Variants in TUSC3 observed in about 807,000 individuals in gnomAD.
TUSC3 encodes dolichyl-diphosphooligosaccharide--protein glycosyltransferase subunit TUSC3.
Under a neutral mutation model 44.8 loss-of-function variants are expected in TUSC3, and 45 were observed. The ratio of observed to expected loss-of-function variants is 1.00; its 90% CI spans 0.79 to 1.29. TUSC3 has a LOEUF of 1.29. Ranked by LOEUF, TUSC3 falls within the 50% of genes most tolerant of loss-of-function variation. TUSC3 has a pLI of 0.00. For synonymous variants in TUSC3, 212 were observed against 152.9 expected, an observed-to-expected ratio of 1.39 and a Z score of -2.85; for missense variants, 519 against 437.9, an observed-to-expected ratio of 1.19 and a Z score of -1.65.
At chr8:15,611,603 C>A (rs536096746) in intron 1 of TUSC3, among the ~76,000 whole-genome samples, 3 of 152,064 alleles carry the variant, frequency 2.0e-5, no homozygotes. Flanking sequence ...GGAATTTTTG[C>A]TTTCTTTATG....
rs144575418 is a variant in TUSC3 at position 15,481,081 on chromosome 8, C to G, written n.92-2305C>G. 5.2e-4 allele frequency among the ~76,000 whole-genome samples: 79 copies of G among 151,984 alleles called. 1 individual carries two copies. The highest frequency in any genetic ancestry group is 1.7e-3 in the African/African-American group (71 of 41,444). On this transcript the variant is annotated intron_variant and non_coding_transcript_variant, in intron 1 of 5. Transcript: ENST00000503191. ...TGACCAACGTGGAGAAACCCTGTCT[C>G]TACTAAAAAATACAAAAATATCCCA...
chr8:15,791,226 A>G, the TUSC3 span, among the ~76,000 whole-genome samples: 1 of 152,096 alleles, frequency 6.6e-6, no homozygotes, highest in Admixed American at 6.6e-5. Context: ...AAAAAGAACC[A>G]AAGGCAAAGA....
rs1180624932 is a variant in TUSC3 at position 15,719,406 on chromosome 8, C to CTT, written c.799-11259_799-11258insTT. On this transcript the variant is annotated intron_variant, in intron 6 of 10. Coordinates refer to ENST00000503731, the MANE Select transcript of TUSC3 (RefSeq NM_006765.4). ...ACCTTCTTCCTATTTAAATTGCAAC[C>CTT]TGCTCCCCATTGTCAATACTTCTGA... Among the ~76,000 whole-genome samples, 4 of 151,758 alleles carry CTT rather than the reference C, an allele frequency of 2.6e-5. No homozygotes were observed. In the East Asian group the frequency reaches 7.7e-4, roughly 29 times the overall value.
At chr8:15,704,887 C>G (rs1809554496) in intron 6 of TUSC3, among the ~76,000 whole-genome samples, 1 of 151,586 alleles carries the variant, frequency 6.6e-6, no homozygotes, top group Non-Finnish European at 1.5e-5. Flanking sequence ...AAGCACATAA[C>G]AAGTTAATCA....
At chr8:15,517,586 C>G (rs1051407119) in intron 2 of TUSC3, among the ~76,000 whole-genome samples, 6 of 134,078 alleles carry the variant, frequency 4.5e-5, no homozygotes, top group Admixed American at 2.4e-4. Context: ...ACAGTTTACA[C>G]AGCTGTTGGA....
chr8:15,642,095 C>T, intron 2 of TUSC3, among the ~76,000 whole-genome samples: 1 of 152,072 alleles, frequency 6.6e-6, no homozygotes. Context: ...CAGTGTTTAG[C>T]ATAAGATATT....
At chr8:15,613,822 A>T (rs1318504902) in intron 1 of TUSC3, among the ~76,000 whole-genome samples, 3 of 152,076 alleles carry the variant, frequency 2.0e-5, no homozygotes, top group Non-Finnish European at 4.4e-5. Flanking sequence ...TTTTGACCCA[A>T]CTTTCATTCT....
rs373552689 is a variant in TUSC3 at position 15,707,421 on chromosome 8, C to T, written c.799-23245C>T. On this transcript the variant is annotated intron_variant, in intron 6 of 10. Transcript: ENST00000503731. ...GTTTTGTGCCCTATGTTTTTTAAACCTATATTTTTTATGTTTTAGCAAGAC... is the reference window on the plus strand; with the variant it reads ...GTTTTGTGCCCTATGTTTTTTAAACTTATATTTTTTATGTTTTAGCAAGAC... Among the ~76,000 whole-genome samples, 19 of 151,804 alleles carry T rather than the reference C, an allele frequency of 1.3e-4. No homozygotes were observed. The East Asian group carries it at 3.5e-3, about 28-fold the overall frequency.
chr8:15,712,050 T>G (rs371613564), intron 6 of TUSC3, among the ~76,000 whole-genome samples: 1 of 151,972 alleles, frequency 6.6e-6, no homozygotes, highest in African/African-American at 2.4e-5. Flanking sequence ...GTGCACAGTT[T>G]CGTCACATAA....
chr8:15,626,020 T>TC (rs1216851844), intron 2 of TUSC3, among the ~76,000 whole-genome samples: 1 of 152,164 alleles, frequency 6.6e-6, no homozygotes, highest in Admixed American at 6.5e-5. Flanking sequence ...CTGCTATAGT[T>TC]CCAGCTGTGG....
At position 15,598,801 on chromosome 8, in the gene TUSC3, T is replaced by A. The variant is rs191224203; in HGVS notation, c.139-24279T>A. Among the ~76,000 whole-genome samples the A allele has an allele frequency of 3.0e-4, 46 of 151,888 alleles. No individual in the cohort carries two copies. In the East Asian group the frequency reaches 8.3e-3, roughly 27 times the overall value. On this transcript the variant is annotated intron_variant, in intron 1 of 10. Coordinates refer to ENST00000503731, the MANE Select transcript of TUSC3 (RefSeq NM_006765.4). ...CATTTTTTTTTATAGCACTGAATAA[T>A]CTATTGTCTGGATGTACCAGTTTAT...
At chr8:15,568,168 A>C (rs1443929019) in intron 1 of TUSC3, among the ~76,000 whole-genome samples, 1 of 152,144 alleles carries the variant, frequency 6.6e-6, no homozygotes, top group Non-Finnish European at 1.5e-5. Context: ...TGAAATTGGA[A>C]GGATGTGCTT....
Position 15,540,416 on chromosome 8 carries a change from C to G in TUSC3, c.-15C>G. ...GCACGGCTACCGCGCGTGGAGGAGA[C>G]ACTGCCCTGCCGCGATGGGGGCCCG... On this transcript the variant is annotated 5_prime_UTR_variant, in exon 1 of 11. Transcript: ENST00000503731. 6.4e-7 allele frequency: 1 copy of G among 1,568,622 alleles called. No homozygotes were observed. The highest frequency in any genetic ancestry group is 8.6e-7 in the Non-Finnish European group (1 of 1,158,880).
intron 1 of TUSC3, among the ~76,000 whole-genome samples, chr8:15,435,105 C>T (rs1005573382): frequency 3.2e-4 from 48 of 149,022 alleles, no homozygotes; most frequent in African/African-American, 8.2e-4. Flanking sequence ...CCTGAGGAAT[C>T]GCCACACCGA....
chr8:15,791,329 A>G, the TUSC3 span, among the ~76,000 whole-genome samples: 1 of 151,952 alleles, frequency 6.6e-6, no homozygotes, highest in South Asian at 2.1e-4. Context: ...ACGATTATCC[A>G]TAGTGGAATA....
At chr8:15,452,974 C>T (rs1375075217) in intron 1 of TUSC3, among the ~76,000 whole-genome samples, 1 of 152,096 alleles carries the variant, frequency 6.6e-6, no homozygotes, top group African/African-American at 2.4e-5. Context: ...CAGATAGCGA[C>T]CACTCCCCCG....
intron 1 of TUSC3, among the ~76,000 whole-genome samples, chr8:15,563,686 A>AT (rs1491237072): frequency 7.5e-5 from 3 of 40,214 alleles, no homozygotes; most frequent in Non-Finnish European, 2.0e-4. Context: ...CCTCCATCTC[A>AT]AAAAAAAAAA....
At position 15,527,597 on chromosome 8, in the gene TUSC3, G is replaced by A. The variant is rs140782586; in HGVS notation, n.189+44114G>A. Among the ~76,000 whole-genome samples, 416 of 152,128 alleles carry A rather than the reference G, an allele frequency of 2.7e-3. 3 individuals carry two copies. The highest frequency in any genetic ancestry group is 9.6e-3 in the African/African-American group (398 of 41,506). On this transcript the variant is annotated intron_variant and non_coding_transcript_variant, in intron 2 of 5. Coordinates refer to the TUSC3 transcript ENST00000503191. The stretch of plus-strand genomic sequence containing the variant: ...GATTTTTATTTTTTTGAGAGCTATG[G>A]TCTTACTGTGTTGACCAGGCTGTTC...
intron 2 of TUSC3, among the ~76,000 whole-genome samples, chr8:15,521,234 A>G (rs1397932642): frequency 6.6e-6 from 1 of 152,072 alleles, no homozygotes; most frequent in Non-Finnish European, 1.5e-5. Flanking sequence ...AGCCTCTGGG[A>G]TGCTTGAGTT....
Sources: gnomAD v4.1 joint callset for allele counts (sites outside exome capture counted in the v4.1 genomes callset) on GRCh38, gnomAD v4.1.1 for gene constraint, MANE v1.5 for transcripts, NCBI Gene and HGNC (gene_info 2026-07-23, HGNC 2026-07-21) for gene names.